RALGAPA1: variants seen among roughly 807,000 people sequenced by gnomAD.
RALGAPA1 encodes ral GTPase-activating protein subunit alpha-1.
Under a neutral mutation model 269.6 loss-of-function variants are expected in RALGAPA1, and 52 were observed. The observed-to-expected ratio is 0.19, with a 90% CI of 0.15 to 0.24. The LOEUF (loss-of-function observed/expected upper bound fraction) is 0.24. Ranked by LOEUF, RALGAPA1 falls within the 10% of genes least tolerant of loss-of-function variation. The pLI is 1.00. For missense variants in RALGAPA1, 1,917 were observed against 3,013.9 expected (o/e 0.64, Z 8.52); for synonymous variants, 817 against 1,008.3 (o/e 0.81, Z 3.60).
At position 35,695,234 on chromosome 14, in the gene RALGAPA1, TA is replaced by T. The variant is rs960317591; in HGVS notation, c.2407+4927del. Among the ~76,000 whole-genome samples, 163 of 145,634 alleles carry T rather than the reference TA, an allele frequency of 1.1e-3. 1 individual carries two copies. Among genetic ancestry groups the T allele is most frequent in the Admixed American group, 9.0e-4 (13 of 14,508 alleles). ...GGCAACACAATGAGACCCTATCTCT[TA>T]AAAAAAAAAAATCTAATTGGAATTA... On this transcript the variant is annotated intron_variant, in intron 17 of 41. Coordinates refer to ENST00000680220, the MANE Select transcript of RALGAPA1 (RefSeq NM_001346249.2).
intron 35 of RALGAPA1, among the ~76,000 whole-genome samples, chr14:35,617,094 T>C (rs1566832875): frequency 6.6e-6 from 1 of 152,116 alleles, no homozygotes; most frequent in African/African-American, 2.4e-5. Context: ...TGGAAGGAGA[T>C]TCAAACATAG....
intron 37 of RALGAPA1, among the ~76,000 whole-genome samples, chr14:35,585,128 A>C (rs1430979939): frequency 6.6e-6 from 1 of 152,236 alleles, no homozygotes; most frequent in East Asian, 1.9e-4. Flanking sequence ...ATGACATAGC[A>C]ATCTGTACAT....
At chr14:35,741,362 T>C (rs532195406) in intron 11 of RALGAPA1, among the ~76,000 whole-genome samples, 2 of 152,264 alleles carry the variant, frequency 1.3e-5, no homozygotes, top group African/African-American at 4.8e-5. Flanking sequence ...TCATAATTCA[T>C]ATGGTTAATT....
intron 37 of RALGAPA1, among the ~76,000 whole-genome samples, chr14:35,579,996 A>G (rs1401401162): frequency 2.0e-5 from 3 of 152,254 alleles, no homozygotes; most frequent in Non-Finnish European, 4.4e-5. Context: ...AAAATAAAGA[A>G]AAACAGATTT....
At chr14:35,754,240 A>G (rs2072985838) in intron 7 of RALGAPA1, among the ~76,000 whole-genome samples, 1 of 152,212 alleles carries the variant, frequency 6.6e-6, no homozygotes, top group South Asian at 2.1e-4. Flanking sequence ...AAAGTGGTAT[A>G]GTGGACTTCA....
chr14:35,731,382 TA>T (rs1162040422), intron 12 of RALGAPA1, among the ~76,000 whole-genome samples: 1 of 152,042 alleles, frequency 6.6e-6, no homozygotes, highest in Non-Finnish European at 1.5e-5. Flanking sequence ...AAACCAGGAA[TA>T]AATCCCTGAT....
rs879593746 is a variant in RALGAPA1 at position 35,625,366 on chromosome 14, C to T, written c.6924G>A (p.Arg2308=). The T allele has an allele frequency of 1.9e-6, 3 of 1,609,578 alleles. No homozygotes were observed. Among genetic ancestry groups the T allele is most frequent in the Non-Finnish European group, 2.5e-6 (3 of 1,178,096 alleles). ...LLRELRNLDS[R]QCRETHKIAV... is the part of the protein sequence containing the mutation. ...AAGATTTTCCAACAACTTACCACTG[C>T]CTTGAATCCAAGTTCCTAAGTTCTC... Residue 2308 remains arginine, a synonymous_variant, in exon 35 of 42, where the codon AGG becomes AGA. Coordinates refer to ENST00000680220, the MANE Select transcript of RALGAPA1 (RefSeq NM_001346249.2).
chr14:35,792,016 T>C (rs2141798587), intron 1 of RALGAPA1, among the ~76,000 whole-genome samples: 1 of 152,018 alleles, frequency 6.6e-6, no homozygotes, highest in Middle Eastern at 3.4e-3. Flanking sequence ...TGTTTTTTTA[T>C]ATAATTCAAC....
chr14:35,696,987 G>C (rs748053531), intron 17 of RALGAPA1, among the ~76,000 whole-genome samples: 8 of 152,146 alleles, frequency 5.3e-5, no homozygotes, highest in Non-Finnish European at 1.0e-4. Context: ...ATGATTGGTT[G>C]ATGATCTAAG....
rs369628183 is a variant in RALGAPA1 at position 35,685,152 on chromosome 14, G to T, written c.4078-7C>A. Reference sequence around the variant, plus strand: ...TTCCTCTTCTTGTCATAGTCTAAACGTTCAAGAAATATTTTACCATTAAGA... The same window carrying T: ...TTCCTCTTCTTGTCATAGTCTAAACTTTCAAGAAATATTTTACCATTAAGA... On this transcript the variant is annotated splice_region_variant and splice_polypyrimidine_tract_variant and intron_variant, in intron 19 of 41. Coordinates refer to ENST00000680220, the MANE Select transcript of RALGAPA1 (RefSeq NM_001346249.2). The T allele has an allele frequency of 6.4e-7, 1 of 1,552,134 alleles. No individual in the cohort carries two copies. The highest frequency in any genetic ancestry group is 8.7e-7 in the Non-Finnish European group (1 of 1,147,788).
intron 28 of RALGAPA1, 122 bp from the exon 29 acceptor site, chr14:35,656,037 C>G (rs2063154495): frequency 1.3e-6 from 2 of 1,511,172 alleles, no homozygotes; most frequent in Non-Finnish European, 1.8e-6. Flanking sequence ...ATTTGTTACT[C>G]TATACATTAA....
chr14:35,768,686 C>T (rs757175939), intron 4 of RALGAPA1, among the ~76,000 whole-genome samples: 7 of 151,590 alleles, frequency 4.6e-5, no homozygotes, highest in Non-Finnish European at 1.0e-4. Context: ...TGAATAAGAT[C>T]CTGTCTCTTA....
chr14:35,689,823 A>G lies in RALGAPA1; in HGVS notation c.2588T>C (p.Val863Ala), dbSNP rs774154725. 6.3e-7 allele frequency: 1 copy of G among 1,582,468 alleles called. No individual in the cohort carries two copies. Among genetic ancestry groups the G allele is most frequent in the Non-Finnish European group, 8.5e-7 (1 of 1,169,880 alleles). The change falls in exon 18 of 42, where the codon GTC becomes GCC. Residue 863 changes from valine to alanine, a missense_variant. By Grantham distance (64) the Val-to-Ala change is moderately conservative. Around this residue, in one of 11 missense-constraint regions of RALGAPA1, gnomAD observed 615 missense variants for 790.0 expected, o/e 0.78. Transcript: ENST00000680220. ...TGCATGACGGGATGAACTGTCAATG[A>G]CAGGAACTGCACCTTTGGCTCGTTC... ...TVERAKGAVP[V>A]IDSSSRHAPS...
chr14:35,549,255 AT>A (rs2139098313), intron 39 of RALGAPA1, 21 bp from the exon 40 acceptor site: 1 of 1,610,448 alleles, frequency 6.2e-7, no homozygotes, highest in Non-Finnish European at 8.5e-7. Context: ...TTGGTTAAGG[AT>A]AAACTTAAGT....
At chr14:35,800,834 G>A (rs1040630907) in intron 1 of RALGAPA1, among the ~76,000 whole-genome samples, 3 of 151,988 alleles carry the variant, frequency 2.0e-5, no homozygotes, top group Admixed American at 6.6e-5. Context: ...GTAACAACCT[G>A]TCTCTACTAA....
intron 36 of RALGAPA1, among the ~76,000 whole-genome samples, chr14:35,600,232 C>CTTTTTTTTTTTTTTTTTTTTTTTCTTTT (rs71124708): frequency 1.2e-5 from 1 of 86,948 alleles, no homozygotes; most frequent in African/African-American, 4.4e-5. Flanking sequence ...TTCTTTTTTT[C>CTTTTTTTTTTTTTTTTTTTTTTTCTTTT]TTTTTTTTTT....
chr14:35,623,598 T>C (rs542065187), intron 35 of RALGAPA1, among the ~76,000 whole-genome samples: 43 of 152,294 alleles, frequency 2.8e-4, no homozygotes, highest in African/African-American at 1.0e-3. Flanking sequence ...TGAAGTTATA[T>C]AGGTGTTGTT....
chr14:35,689,005 T>C lies in RALGAPA1; in HGVS notation c.3406A>G (p.Arg1136Gly). The change falls in exon 18 of 42, where the codon AGA (arginine) becomes GGA (glycine). Residue 1136 changes from arginine (R) to glycine (G), a missense_variant. This residue lies in a region of RALGAPA1 where 615 missense variants were observed against 790.0 expected (regional missense o/e 0.78). Coordinates refer to ENST00000680220, the MANE Select transcript of RALGAPA1 (RefSeq NM_001346249.2). The stretch of plus-strand genomic sequence containing the variant: ...GTAGCAATTTTCATGATTTTGGCTC[T>C]ATGAGTTACTGTTTCAGACAAGCTC... ...KRSLSETVTH[R>G]AKIMKIATKK... is the part of the protein sequence containing the mutation. The C allele has an allele frequency of 8.1e-7, 1 of 1,236,860 alleles. No individual in the cohort carries two copies. The highest frequency in any genetic ancestry group is 1.0e-6 in the Non-Finnish European group (1 of 990,726). 76.6% of individuals were successfully genotyped at this position (1,236,860 alleles called of 1,614,324 possible).
At chr14:35,592,491 A>G (rs924578904) in intron 37 of RALGAPA1, among the ~76,000 whole-genome samples, 2 of 152,234 alleles carry the variant, frequency 1.3e-5, no homozygotes, top group African/African-American at 4.8e-5. Flanking sequence ...AATACTTCCA[A>G]ACATTTTATA....
Sources: allele counts gnomAD v4.1 joint callset (sites outside exome capture counted in the v4.1 genomes callset), GRCh38; gene constraint gnomAD v4.1.1; regional missense constraint gnomAD v4.1.1; transcripts MANE v1.5; gene names NCBI Gene and HGNC (gene_info 2026-07-23, HGNC 2026-07-21).